TPRKB: variants seen among roughly 807,000 people sequenced by gnomAD.
TPRKB encodes the protein EKC/KEOPS complex subunit TPRKB.
Under a neutral mutation model 17.8 loss-of-function variants are expected in TPRKB, and 11 were observed. That is an observed-to-expected ratio of 0.62 (90% confidence interval 0.39 to 1.02). TPRKB has a LOEUF of 1.02. Ranked by LOEUF, TPRKB falls within the 50% of genes least tolerant of loss-of-function variation. The pLI, the probability that TPRKB is intolerant of heterozygous loss-of-function variation, is 0.00. For missense variants in TPRKB, 228 were observed against 198.0 expected (o/e 1.15, Z -0.91); for synonymous variants, 71 against 69.5 (o/e 1.02, Z -0.11).
At chr2:73,736,904 C>CA (rs1671910636) in intron 1 of TPRKB, among the ~76,000 whole-genome samples, 1 of 152,148 alleles carries the variant, frequency 6.6e-6, no homozygotes, top group Non-Finnish European at 1.5e-5. Context: ...CTCAAGTCAC[C>CA]AACCTTTCTC....
At chr2:73,733,814 CTTTTTTTTTT>C (rs755122123) in intron 2 of TPRKB, among the ~76,000 whole-genome samples, 1 of 114,040 alleles carries the variant, frequency 8.8e-6, no homozygotes, top group Non-Finnish European at 1.7e-5. Context: ...CTCATTCATT[CTTTTTTTTTT>C]TTTTTTTTTT....
chr2:73,736,399 T>C (rs1671881019), intron 1 of TPRKB, among the ~76,000 whole-genome samples: 1 of 152,226 alleles, frequency 6.6e-6, no homozygotes. Flanking sequence ...GTTCTGAATT[T>C]TCTACAGTAA....
At chr2:73,730,970 T>A in intron 3 of TPRKB, 2 of 332,032 alleles carry the variant, frequency 6.0e-6, no homozygotes, top group Non-Finnish European at 1.1e-5. Flanking sequence ...AAGCCCAGCC[T>A]CTTGGCGCTG....
intron 1 of TPRKB, among the ~76,000 whole-genome samples, chr2:73,735,193 A>G (rs1285935004): frequency 6.6e-6 from 1 of 152,064 alleles, no homozygotes; most frequent in African/African-American, 2.4e-5. Context: ...TTAGCCAGGC[A>G]TGGTGGCGCA....
At chr2:73,734,099 C>A (rs1413167591) in intron 2 of TPRKB, among the ~76,000 whole-genome samples, 1 of 148,594 alleles carries the variant, frequency 6.7e-6, no homozygotes, top group Non-Finnish European at 1.5e-5. Context: ...AGCTACCATG[C>A]CTGGCCATTT....
At chr2:73,733,084 T>C (rs1671698665) in intron 2 of TPRKB, among the ~76,000 whole-genome samples, 1 of 152,108 alleles carries the variant, frequency 6.6e-6, no homozygotes, top group Admixed American at 6.6e-5. Flanking sequence ...ATTCACTCCA[T>C]AGGCTGTTGT....
At chr2:73,736,435 TAAGAA>T (rs1671883490) in intron 1 of TPRKB, among the ~76,000 whole-genome samples, 1 of 152,100 alleles carries the variant, frequency 6.6e-6, no homozygotes, top group Non-Finnish European at 1.5e-5. Flanking sequence ...GTACACATAA[TAAGAA>T]AGGAAAAAAA....
chr2:73,734,917 T>C (rs1377544067), intron 1 of TPRKB, among the ~76,000 whole-genome samples: 1 of 152,276 alleles, frequency 6.6e-6, no homozygotes, highest in Non-Finnish European at 1.5e-5. Flanking sequence ...AACCAGAGGT[T>C]GCTTACGGTA....
At chr2:73,735,877 T>C (rs1325555575) in intron 1 of TPRKB, among the ~76,000 whole-genome samples, 2 of 152,242 alleles carry the variant, frequency 1.3e-5, no homozygotes, top group African/African-American at 4.8e-5. Context: ...GATGTTCCTC[T>C]CATTATTTTA....
At chr2:73,736,813 C>G (rs1021600012) in intron 1 of TPRKB, among the ~76,000 whole-genome samples, 10 of 152,206 alleles carry the variant, frequency 6.6e-5, no homozygotes, top group Non-Finnish European at 1.3e-4. Context: ...AAAGCCCCAA[C>G]TTTGTGTCAC....
At chr2:73,731,817 G>A (rs1258738246) in intron 3 of TPRKB, 2 of 177,224 alleles carry the variant, frequency 1.1e-5, no homozygotes, top group African/African-American at 4.7e-5. Flanking sequence ...TACGGGAAGA[G>A]AGAATGATAT....
In TPRKB at chr2:73,732,244, T is replaced by C. The variant is rs1199927427; in HGVS notation, c.183A>G (p.Ala61=). 1 of 1,614,030 alleles carries C rather than the reference T, an allele frequency of 6.2e-7. No homozygotes were observed. The highest frequency in any genetic ancestry group is 2.2e-5 in the East Asian group (1 of 44,886). ...PFQILVAANK[A]VHLYKLGKMK... Reference sequence around the variant, plus strand: ...TTTTTCCCAGTTTGTAGAGGTGAACTGCTTTGTTTGCTGCCACAAGTATCT... The same window carrying C: ...TTTTTCCCAGTTTGTAGAGGTGAACCGCTTTGTTTGCTGCCACAAGTATCT... Residue 61 remains alanine, a synonymous_variant, in exon 3 of 5, where the codon GCA becomes GCG. Transcript: ENST00000272424.
chr2:73,735,642 C>T (rs1487662573), intron 1 of TPRKB, among the ~76,000 whole-genome samples: 1 of 152,068 alleles, frequency 6.6e-6, no homozygotes, highest in East Asian at 1.9e-4. Context: ...TATATAAAGA[C>T]ATAAAAGAAA....
rs547471478 is a variant in TPRKB, at chr2:73,729,915, G to A, written c.*28C>T. ...GAAAATCAATGTTTTCTTTAATGCT[G>A]AGAATTTTTGTTAATATTTCTGACA... On this transcript the variant is annotated 3_prime_UTR_variant, in exon 5 of 5. Transcript: ENST00000272424. The A allele has an allele frequency of 2.3e-5, 34 of 1,497,814 alleles. 1 individual carries two copies. In the South Asian group the frequency reaches 4.1e-4, roughly 18 times the overall value. 92.8% of individuals were successfully genotyped at this position (1,497,814 alleles called of 1,614,324 possible). A position where few individuals can be genotyped will look rare whatever the true frequency, so the allele number is the denominator to read the frequency against.
chr2:73,735,118 T>C (rs1015870519), intron 1 of TPRKB, among the ~76,000 whole-genome samples: 2 of 152,172 alleles, frequency 1.3e-5, no homozygotes, highest in African/African-American at 4.8e-5. Context: ...CACCTGAGGT[T>C]GGGAGTTCGA....
At chr2:73,732,943 T>C (rs749665974) in intron 2 of TPRKB, among the ~76,000 whole-genome samples, 4 of 152,124 alleles carry the variant, frequency 2.6e-5, no homozygotes, top group Non-Finnish European at 5.9e-5. Context: ...GTAGCAGTAG[T>C]AGTAGTATGT....
At chr2:73,734,363 T>G in intron 2 of TPRKB, 66 bp downstream of exon 2, 1 of 1,524,766 alleles carries the variant, frequency 6.6e-7, no homozygotes, top group Non-Finnish European at 8.8e-7. Context: ...CCTCCTAAAG[T>G]GCTGGCATTA....
intron 2 of TPRKB, among the ~76,000 whole-genome samples, chr2:73,733,780 T>A (rs1178170618): frequency 1.3e-5 from 2 of 151,930 alleles, no homozygotes; most frequent in African/African-American, 2.4e-5. Context: ...CAAATATTAA[T>A]GTATACTTAA....
intron 4 of TPRKB, 136 bp downstream of exon 4, chr2:73,730,424 T>C: frequency 1.6e-6 from 1 of 616,528 alleles, no homozygotes; most frequent in Non-Finnish European, 2.6e-6. Flanking sequence ...GTATCTGTAA[T>C]TTTTAAGTAA....
Sources: gnomAD v4.1 joint callset for allele counts (sites outside exome capture counted in the v4.1 genomes callset) on GRCh38, gnomAD v4.1.1 for gene constraint, MANE v1.5 for transcripts, NCBI Gene and HGNC (gene_info 2026-07-23, HGNC 2026-07-21) for gene names.